The following CLSTN2 variants were observed in gnomAD, a reference collection of about 807,000 sequenced individuals.
The protein encoded by CLSTN2 is calsyntenin 2, also known as calsyntenin-2.
A neutral mutation model predicts 101.2 loss-of-function variants in CLSTN2; 48 were observed. That is an observed-to-expected ratio of 0.47 (90% confidence interval 0.38 to 0.60). The LOEUF (loss-of-function observed/expected upper bound fraction) is 0.60. Ranked by LOEUF, CLSTN2 falls within the 20% of genes least tolerant of loss-of-function variation. CLSTN2 has a pLI of 0.00. For missense variants in CLSTN2, 1,160 were observed against 1,238.2 expected (o/e 0.94, Z 0.95); for synonymous variants, 481 against 463.6 (o/e 1.04, Z -0.48).
At chr3:140,258,021 A>G (rs1467465341) in intron 2 of CLSTN2, among the ~76,000 whole-genome samples, 1 of 152,082 alleles carries the variant, frequency 6.6e-6, no homozygotes, top group Non-Finnish European at 1.5e-5. Flanking sequence ...AAATGTTATT[A>G]TGTATTATTT....
At chr3:140,163,469 T>C (rs2010084551) in intron 1 of CLSTN2, among the ~76,000 whole-genome samples, 1 of 148,442 alleles carries the variant, frequency 6.7e-6, no homozygotes, top group South Asian at 2.1e-4. Context: ...GCTAGATAGA[T>C]ATAGATTTAG....
intron 2 of CLSTN2, among the ~76,000 whole-genome samples, chr3:140,242,329 T>C (rs894815672): frequency 6.6e-5 from 10 of 152,150 alleles, no homozygotes; most frequent in African/African-American, 2.4e-4. Flanking sequence ...TCCCCAATAC[T>C]TCCCATGAAA....
In CLSTN2 at chr3:140,356,198, A is replaced by G. The variant is rs112780529; in HGVS notation, c.233-47431A>G. 1.8e-3 allele frequency among the ~76,000 whole-genome samples: 273 copies of G among 152,300 alleles called. 1 individual carries two copies. Among genetic ancestry groups the G allele is most frequent in the African/African-American group, 6.0e-3 (251 of 41,554 alleles). ...CAGAGCCTTGGACCTACAGCTCAAT[A>G]AACATGGGAACTTAAAAAGAAGATG... On this transcript the variant is annotated intron_variant, in intron 2 of 16. Coordinates refer to ENST00000458420, the MANE Select transcript of CLSTN2 (RefSeq NM_022131.3).
chr3:140,040,825 G>A (rs1420002487), intron 1 of CLSTN2, among the ~76,000 whole-genome samples: 1 of 152,124 alleles, frequency 6.6e-6, no homozygotes, highest in Non-Finnish European at 1.5e-5. Context: ...CCCTATTGAA[G>A]GGGAGAGGGT....
intron 8 of CLSTN2, among the ~76,000 whole-genome samples, chr3:140,519,459 T>G (rs1434952682): frequency 1.3e-5 from 2 of 152,228 alleles, no homozygotes; most frequent in African/African-American, 4.8e-5. Context: ...TATTATTGTG[T>G]GGAAGTCTAA....
chr3:140,424,620 A>G (rs1195989810), intron 5 of CLSTN2, among the ~76,000 whole-genome samples: 1 of 151,962 alleles, frequency 6.6e-6, no homozygotes, highest in East Asian at 1.9e-4. Flanking sequence ...GGAACGAACT[A>G]TGTTTTACTG....
chr3:140,108,155 G>A (rs1369565539), intron 1 of CLSTN2, among the ~76,000 whole-genome samples: 3 of 152,172 alleles, frequency 2.0e-5, no homozygotes, highest in South Asian at 2.1e-4. Context: ...CTCATCCAGT[G>A]GTTCTACAAA....
At chr3:139,992,672 G>C (rs1936134975) in intron 1 of CLSTN2, among the ~76,000 whole-genome samples, 1 of 152,188 alleles carries the variant, frequency 6.6e-6, no homozygotes, top group South Asian at 2.1e-4. Context: ...AGTGCATCCT[G>C]GTTACCAGGG....
chr3:140,401,319 A>G (rs2107977000), intron 2 of CLSTN2, among the ~76,000 whole-genome samples: 1 of 152,326 alleles, frequency 6.6e-6, no homozygotes, highest in Middle Eastern at 3.4e-3. Context: ...ATCAGGTAAG[A>G]AGTACTTTAG....
intron 1 of CLSTN2, among the ~76,000 whole-genome samples, chr3:140,085,801 G>A (rs894827715): frequency 6.6e-6 from 1 of 152,164 alleles, no homozygotes; most frequent in African/African-American, 2.4e-5. Context: ...TGTGGATATA[G>A]AGCCTCAGAG....
At chr3:140,417,090 T>C (rs944036039) in intron 4 of CLSTN2, among the ~76,000 whole-genome samples, 2 of 152,226 alleles carry the variant, frequency 1.3e-5, no homozygotes, top group African/African-American at 2.4e-5. Context: ...CATTAAATCA[T>C]TGTTTGCCAA....
chr3:140,030,622 G>C (rs997803752), intron 1 of CLSTN2, among the ~76,000 whole-genome samples: 1 of 152,108 alleles, frequency 6.6e-6, no homozygotes, highest in Admixed American at 6.6e-5. Flanking sequence ...ACAGCACCAG[G>C]GTGGAGAGGA....
At chr3:140,475,021 T>A (rs992313873) in intron 8 of CLSTN2, among the ~76,000 whole-genome samples, 1 of 129,386 alleles carries the variant, frequency 7.7e-6, no homozygotes, top group South Asian at 2.2e-4. Flanking sequence ...CCTTAACTCA[T>A]TCTCCTCACT....
At chr3:140,149,029 C>T (rs1192646330) in intron 1 of CLSTN2, among the ~76,000 whole-genome samples, 1 of 152,190 alleles carries the variant, frequency 6.6e-6, no homozygotes, top group Non-Finnish European at 1.5e-5. Flanking sequence ...AAGACCAAAA[C>T]TTCCTCTTCA....
chr3:139,977,040 C>G (rs1935830173), intron 1 of CLSTN2, among the ~76,000 whole-genome samples: 1 of 152,164 alleles, frequency 6.6e-6, no homozygotes, highest in African/African-American at 2.4e-5. Context: ...ACTCCATTTG[C>G]AAACAGGAAT....
intron 9 of CLSTN2, among the ~76,000 whole-genome samples, chr3:140,542,842 A>AAGAT (rs1935512269): frequency 6.6e-6 from 1 of 152,278 alleles, no homozygotes; most frequent in East Asian, 1.9e-4. Flanking sequence ...AGAGGGTTAG[A>AAGAT]AGATAGATCC....
intron 2 of CLSTN2, among the ~76,000 whole-genome samples, chr3:140,287,480 C>G (rs1035146800): frequency 6.6e-6 from 1 of 151,992 alleles, no homozygotes; most frequent in Non-Finnish European, 1.5e-5. Flanking sequence ...TATACACTTG[C>G]CAAAATTGGT....
At chr3:140,285,414 G>C (rs2086887065) in intron 2 of CLSTN2, among the ~76,000 whole-genome samples, 1 of 152,032 alleles carries the variant, frequency 6.6e-6, no homozygotes, top group South Asian at 2.1e-4. Flanking sequence ...CTTCAGGTCG[G>C]CTTGCATGGG....
At chr3:140,517,203 T>C (rs1401776913) in intron 8 of CLSTN2, among the ~76,000 whole-genome samples, 1 of 152,214 alleles carries the variant, frequency 6.6e-6, no homozygotes, top group Non-Finnish European at 1.5e-5. Flanking sequence ...TTATGCTATC[T>C]ATTTTACTGA....
Sources: gnomAD v4.1 joint callset for allele counts (sites outside exome capture counted in the v4.1 genomes callset) on GRCh38, gnomAD v4.1.1 for gene constraint, MANE v1.5 for transcripts, NCBI Gene and HGNC (gene_info 2026-07-23, HGNC 2026-07-21) for gene names.